Variants in KIRREL3 observed in about 807,000 individuals in gnomAD.
The protein encoded by KIRREL3 is kin of IRRE-like protein 3.
A neutral mutation model predicts 89.7 loss-of-function variants in KIRREL3; 36 were observed. The observed-to-expected ratio is 0.40, with a 90% CI of 0.31 to 0.53. The LOEUF is 0.53. KIRREL3 is among the 20% of genes least tolerant of loss of function. The pLI is 0.49. For synonymous variants in KIRREL3, 445 were observed against 441.4 expected (o/e 1.01, Z -0.10); for missense variants, 864 against 1,056.6 (o/e 0.82, Z 2.53).
Position 126,490,666 on chromosome 11 carries a change from TAGG to T in KIRREL3, c.434-17203_434-17201del, listed in dbSNP as rs1289362255. 6.6e-6 allele frequency among the ~76,000 whole-genome samples: 1 copy of T among 152,190 alleles called. No homozygotes were observed. Among genetic ancestry groups the T allele is most frequent in the African/African-American group, 2.4e-5 (1 of 41,438 alleles). ...AGAGGGATAATAATTCTGTGAAGGT[TAGG>T]AGAAGTTCCATGGGATGGCATTTGT... On this transcript the variant is annotated intron_variant, in intron 4 of 16. Coordinates refer to ENST00000525144, the MANE Select transcript of KIRREL3 (RefSeq NM_032531.4). The surrounding 1 kb of genome is among the most constrained non-coding windows in gnomAD (Gnocchi z 4.2).
chr11:126,581,404 G>A (rs1283992219), intron 1 of KIRREL3, among the ~76,000 whole-genome samples: 1 of 152,100 alleles, frequency 6.6e-6, no homozygotes, highest in African/African-American at 2.4e-5. Context: ...GTTTCACCTT[G>A]TTGACCAGGC....
rs1424319587 is a variant in KIRREL3, at chr11:126,931,835, G to A, written c.55+68620C>T. On this transcript the variant is annotated intron_variant, in intron 1 of 16. Transcript: ENST00000525144. This position sits in a 1 kb window ranked among gnomAD's most constrained non-coding sequence, Gnocchi z 5.1. ...GTAACTGAGGGCTGCCAGCACCCAG[G>A]GAGCCCCAGGACACGTGTTGCCTTC... Among the ~76,000 whole-genome samples the A allele has an allele frequency of 6.6e-6, 1 of 152,108 alleles. No individual in the cohort carries two copies. The highest frequency in any genetic ancestry group is 1.5e-5 in the Non-Finnish European group (1 of 68,020).
At chr11:126,548,806 G>T (rs1565541717) in intron 2 of KIRREL3, among the ~76,000 whole-genome samples, 1 of 152,188 alleles carries the variant, frequency 6.6e-6, no homozygotes, top group African/African-American at 2.4e-5. Context: ...AGGGGTGACT[G>T]TCAATCAAGG....
chr11:126,436,794 G>A lies in KIRREL3; in HGVS notation c.1552+17C>T. ...TTCCATCGTTCGTTGTTCCCTCATG[G>A]CCCTGGCAGCTCTCACCTTGCTCCT... On this transcript the variant is annotated intron_variant, in intron 12 of 16. Coordinates refer to ENST00000525144, the MANE Select transcript of KIRREL3 (RefSeq NM_032531.4). 2.5e-6 allele frequency: 4 copies of A among 1,612,976 alleles called. No individual in the cohort carries two copies. In the East Asian group the frequency reaches 8.9e-5, roughly 36 times the overall value.
chr11:126,974,408 G>A (rs1351089289), intron 1 of KIRREL3, among the ~76,000 whole-genome samples: 1 of 151,870 alleles, frequency 6.6e-6, no homozygotes, highest in Non-Finnish European at 1.5e-5. Context: ...CTTAGATGGT[G>A]TAGCCTATTA....
In KIRREL3 at chr11:126,656,404, T is replaced by C. The variant is rs979332238; in HGVS notation, c.56-93492A>G. On this transcript the variant is annotated intron_variant, in intron 1 of 16. Coordinates refer to ENST00000525144, the MANE Select transcript of KIRREL3 (RefSeq NM_032531.4). This position sits in a 1 kb window ranked among gnomAD's most constrained non-coding sequence, Gnocchi z 4.0. ...TGTATGTTTTGGCAAGAAAATAGAATAATATTATTATTGGAGTCTCTGGAA... is the reference window on the plus strand; with the variant it reads ...TGTATGTTTTGGCAAGAAAATAGAACAATATTATTATTGGAGTCTCTGGAA... Among the ~76,000 whole-genome samples the C allele has an allele frequency of 4.6e-5, 7 of 152,218 alleles. No homozygotes were observed. Among genetic ancestry groups the C allele is most frequent in the Non-Finnish European group, 7.3e-5 (5 of 68,032 alleles).
In KIRREL3 at chr11:126,677,906, C is replaced by T. The variant is rs1468699995; in HGVS notation, c.56-114994G>A. 6.6e-6 allele frequency among the ~76,000 whole-genome samples: 1 copy of T among 152,134 alleles called. No homozygotes were observed. The highest frequency in any genetic ancestry group is 2.4e-5 in the African/African-American group (1 of 41,414). On this transcript the variant is annotated intron_variant, in intron 1 of 16. Transcript: ENST00000525144. This position sits in a 1 kb window ranked among gnomAD's most constrained non-coding sequence, Gnocchi z 5.1. ...ACCAGATGATTATGGCTGTTGTCAC[C>T]ACCAAGCCCTGTCTTGTCATCAGCC...
chr11:126,675,153 C>T (rs1487290652), intron 1 of KIRREL3, among the ~76,000 whole-genome samples: 1 of 152,214 alleles, frequency 6.6e-6, no homozygotes, highest in Non-Finnish European at 1.5e-5. Flanking sequence ...TTTCATTTAT[C>T]TCTTAAACAT....
intron 1 of KIRREL3, among the ~76,000 whole-genome samples, chr11:126,700,842 C>T (rs938180497): frequency 1.3e-5 from 2 of 152,242 alleles, no homozygotes; most frequent in East Asian, 1.9e-4. Context: ...ATTCACCCCC[C>T]ACACCCTCCT....
chr11:126,850,370 T>C (rs1592221421), intron 1 of KIRREL3, among the ~76,000 whole-genome samples: 1 of 152,166 alleles, frequency 6.6e-6, no homozygotes, highest in Admixed American at 6.5e-5. Flanking sequence ...AGGCTTGCCC[T>C]CAGACACCTG....
intron 1 of KIRREL3, among the ~76,000 whole-genome samples, chr11:126,800,100 A>G (rs569998042): frequency 6.6e-5 from 10 of 152,348 alleles, no homozygotes; most frequent in Admixed American, 1.3e-4. Flanking sequence ...CCAGATCTCC[A>G]GGGGCTGGGC....
Position 126,664,992 on chromosome 11 carries a change from C to T in KIRREL3, c.56-102080G>A, listed in dbSNP as rs111542745. Among the ~76,000 whole-genome samples, 544 of 152,262 alleles carry T rather than the reference C, an allele frequency of 3.6e-3. 6 individuals carry two copies. The highest frequency in any genetic ancestry group is 0.013 in the African/African-American group (523 of 41,548). ...ATAACATGATGATTATTTTGGAGTG[C>T]GTTCTTTTGCTTCTCACAATGAGCA... On this transcript the variant is annotated intron_variant, in intron 1 of 16. Transcript: ENST00000525144. The surrounding 1 kb of genome is among the most constrained non-coding windows in gnomAD (Gnocchi z 5.4).
intron 2 of KIRREL3, among the ~76,000 whole-genome samples, chr11:126,560,523 T>G (rs982137844): frequency 3.9e-5 from 6 of 152,240 alleles, no homozygotes; most frequent in African/African-American, 1.4e-4. Context: ...TCCTGTTCAT[T>G]CATTATTTTC....
At chr11:126,821,394 C>T (rs1379794639) in intron 1 of KIRREL3, among the ~76,000 whole-genome samples, 2 of 141,064 alleles carry the variant, frequency 1.4e-5, no homozygotes, top group African/African-American at 5.5e-5. Flanking sequence ...AAGGGCTTAC[C>T]TGGCCATTTT....
chr11:126,680,207 C>G (rs1169342756), intron 1 of KIRREL3, among the ~76,000 whole-genome samples: 1 of 152,164 alleles, frequency 6.6e-6, no homozygotes, highest in Non-Finnish European at 1.5e-5. Flanking sequence ...CGGTTGCTTT[C>G]ATGACCAGTG....
chr11:126,425,528 C>A, intron 16 of KIRREL3, 110 bp downstream of exon 16: 3 of 1,018,972 alleles, frequency 2.9e-6, no homozygotes, highest in South Asian at 1.5e-5. Context: ...TGGCCTCTGA[C>A]CTTTTCTTCT....
In KIRREL3 at chr11:126,520,858, TC is replaced by T. The variant is rs1427261419; in HGVS notation, c.433+456del. On this transcript the variant is annotated intron_variant, in intron 4 of 16. Transcript: ENST00000525144. This position sits in a 1 kb window ranked among gnomAD's most constrained non-coding sequence, Gnocchi z 4.9. ...ACTGGTGTCCACATGGATACTAGAA[TC>T]ATGGGGAGAATCGGGCTGATTCTAC... Among the ~76,000 whole-genome samples the T allele has an allele frequency of 6.6e-6, 1 of 152,062 alleles. No homozygotes were observed. Among genetic ancestry groups the T allele is most frequent in the Non-Finnish European group, 1.5e-5 (1 of 68,014 alleles).
rs1422882598 is a variant in KIRREL3, at chr11:126,814,110, T to G, written c.55+186345A>C. ...GTTGGCAAAGGACATGAACAGACAC[T>G]TCTCAAAAGAAGACATACATGTGGC... On this transcript the variant is annotated intron_variant, in intron 1 of 16. Transcript: ENST00000525144. The surrounding 1 kb of genome is among the most constrained non-coding windows in gnomAD (Gnocchi z 4.4). Among the ~76,000 whole-genome samples the G allele has an allele frequency of 6.6e-6, 1 of 152,056 alleles. No homozygotes were observed. Among genetic ancestry groups the G allele is most frequent in the Non-Finnish European group, 1.5e-5 (1 of 68,004 alleles).
chr11:126,590,639 G>A (rs1021277250), intron 1 of KIRREL3, among the ~76,000 whole-genome samples: 1 of 152,212 alleles, frequency 6.6e-6, no homozygotes, highest in Admixed American at 6.5e-5. Flanking sequence ...GCCACTGTAC[G>A]GTGAGTGATC....
Sources: allele counts gnomAD v4.1 joint callset (sites outside exome capture counted in the v4.1 genomes callset), GRCh38; gene constraint gnomAD v4.1.1; non-coding constraint Gnocchi (gnomAD v3.1); transcripts MANE v1.5; gene names NCBI Gene and HGNC (gene_info 2026-07-23, HGNC 2026-07-21).